Variants in NOTCH2 observed in about 807,000 individuals in gnomAD.
The protein encoded by NOTCH2 is neurogenic locus notch homolog protein 2.
A neutral mutation model predicts 235.8 loss-of-function variants in NOTCH2; 29 were observed. The observed-to-expected ratio is 0.12, with a 90% confidence interval of 0.09 to 0.17. The LOEUF (loss-of-function observed/expected upper bound fraction) is 0.17, where lower values mean the gene tolerates loss of function less well. Among genes scored for constraint, NOTCH2 ranks in the 10% least tolerant of loss-of-function variants. NOTCH2 has a pLI of 1.00. For missense variants in NOTCH2, 2,285 were observed against 3,150.2 expected, an observed-to-expected ratio of 0.73 and a Z score of 6.57; for synonymous variants, 1,086 against 1,141.5, an observed-to-expected ratio of 0.95 and a Z score of 0.98.
chr1:119,917,277 A>G (rs1557802813), intron 33 of NOTCH2, among the ~76,000 whole-genome samples: 1 of 152,178 alleles, frequency 6.6e-6, no homozygotes, highest in African/African-American at 2.4e-5. Context: ...TCAGATGGAG[A>G]AAAATCAAAC....
Position 119,937,894 on chromosome 1 carries a change from C to A in NOTCH2, c.3300G>T (p.Val1100=). The part of the protein sequence containing the change: ...PSGWAGAYCD[V]PNVSCDIAAS... ...CTGCTATGTCACAAGAGACATTGGG[C>A]ACGTCACAATAGGCACCAGCCCATC... is the stretch of plus-strand genomic sequence containing the variant. The change falls in exon 20 of 34, where the codon GTG becomes GTT. Residue 1100 remains valine, a synonymous_variant. Coordinates refer to ENST00000256646, the MANE Select transcript of NOTCH2 (RefSeq NM_024408.4). 1.2e-6 allele frequency: 2 copies of A among 1,614,222 alleles called. No individual in the cohort carries two copies. Among genetic ancestry groups the A allele is most frequent in the Non-Finnish European group, 1.7e-6 (2 of 1,180,044 alleles).
rs782440494 is a variant in NOTCH2 at position 119,963,609 on chromosome 1, T to C, written c.1880A>G (p.Asn627Ser). 3 of 1,614,162 alleles carry C rather than the reference T, an allele frequency of 1.9e-6. No individual in the cohort carries two copies. The highest frequency in any genetic ancestry group is 1.7e-5 in the Admixed American group (1 of 60,022). The change falls in exon 11 of 34, where the codon AAT becomes AGT. Residue 627 changes from asparagine (N) to serine (S), a missense_variant. Physicochemically the swap from Asn to Ser is conservative, Grantham distance 46. Coordinates refer to ENST00000256646, the MANE Select transcript of NOTCH2 (RefSeq NM_024408.4). ...LNDGRCIDLV[N>S]GYQCNCQPGT... ...TGGCTGGCAGTTGCACTGGTAGCCATTGACCAGGTCAATGCAGCGACCATC... is the reference window on the plus strand; with the variant it reads ...TGGCTGGCAGTTGCACTGGTAGCCACTGACCAGGTCAATGCAGCGACCATC...
chr1:119,980,285 C>T (rs1456219762), intron 5 of NOTCH2, among the ~76,000 whole-genome samples: 3 of 152,184 alleles, frequency 2.0e-5, no homozygotes, highest in Non-Finnish European at 4.4e-5. Context: ...TCCCAGCAGA[C>T]ATCTTACCTA....
At chr1:119,970,755 T>C (rs1223393743) in intron 5 of NOTCH2, among the ~76,000 whole-genome samples, 1 of 152,188 alleles carries the variant, frequency 6.6e-6, no homozygotes, top group Non-Finnish European at 1.5e-5. Context: ...AAAGTGGTGA[T>C]TGGTTTTGTT....
At chr1:119,968,641 T>C (rs1651243767) in intron 6 of NOTCH2, among the ~76,000 whole-genome samples, 1 of 152,246 alleles carries the variant, frequency 6.6e-6, no homozygotes. Context: ...TCCTATATTT[T>C]ATCCGGAATC....
Position 119,963,623 on chromosome 1 carries a change from G to A in NOTCH2, c.1866C>T (p.Cys622=), listed in dbSNP as rs2101136684. Residue 622 remains cysteine, a synonymous_variant, in exon 11 of 34, where the codon TGC becomes TGT. Coordinates refer to ENST00000256646, the MANE Select transcript of NOTCH2 (RefSeq NM_024408.4). ...YSSPCLNDGR[C]IDLVNGYQCN... ...ACTGGTAGCCATTGACCAGGTCAAT[G>A]CAGCGACCATCGTTCAGGCAAGGGC... The A allele has an allele frequency of 6.2e-7, 1 of 1,614,154 alleles. No individual in the cohort carries two copies. The highest frequency in any genetic ancestry group is 8.5e-7 in the Non-Finnish European group (1 of 1,179,986).
chr1:119,963,933 G>C (rs1199285996), intron 10 of NOTCH2, 126 bp from the exon 11 acceptor site: 1 of 841,102 alleles, frequency 1.2e-6, no homozygotes, highest in East Asian at 2.6e-5. Flanking sequence ...TGCAGGTCTT[G>C]AGCAGTAGAA....
At chr1:119,984,424 ACT>A (rs1206223604) in intron 5 of NOTCH2, among the ~76,000 whole-genome samples, 11 of 152,160 alleles carry the variant, frequency 7.2e-5, no homozygotes, top group African/African-American at 2.7e-4. Context: ...GGATATTTAA[ACT>A]CTATCTCTAA....
chr1:119,944,978 C>T (rs1448575116), intron 17 of NOTCH2, among the ~76,000 whole-genome samples: 2 of 151,880 alleles, frequency 1.3e-5, no homozygotes, highest in African/African-American at 2.4e-5. Flanking sequence ...AACTTAAAGA[C>T]TTTTAAATTA....
At chr1:120,012,674 T>C (rs2725932) in intron 2 of NOTCH2, among the ~76,000 whole-genome samples, 6 of 152,226 alleles carry the variant, frequency 3.9e-5, no homozygotes, top group East Asian at 1.9e-4. Flanking sequence ...GCTAACTGAT[T>C]TGCCCAAAGT....
At chr1:119,985,450 G>C (rs1306910611) in intron 5 of NOTCH2, among the ~76,000 whole-genome samples, 2 of 152,082 alleles carry the variant, frequency 1.3e-5, no homozygotes, top group African/African-American at 2.4e-5. Context: ...CATTTCACTG[G>C]GGAAGTTTTC....
At chr1:120,028,754 A>T (rs1425375283) in intron 2 of NOTCH2, among the ~76,000 whole-genome samples, 1 of 135,330 alleles carries the variant, frequency 7.4e-6, no homozygotes, top group Non-Finnish European at 1.6e-5. Context: ...CTAAGCAAGT[A>T]CCTCCACCAA....
chr1:119,987,938 A>G (rs782701261), intron 4 of NOTCH2, among the ~76,000 whole-genome samples: 2 of 152,168 alleles, frequency 1.3e-5, no homozygotes, highest in Non-Finnish European at 2.9e-5. Flanking sequence ...TGTAGTTTAT[A>G]TGTTGGGCCT....
chr1:119,922,629 C>T lies in NOTCH2; in HGVS notation c.5002+7G>A, dbSNP rs2101155835. 6.2e-7 allele frequency: 1 copy of T among 1,613,984 alleles called. No homozygotes were observed. The highest frequency in any genetic ancestry group is 2.2e-5 in the East Asian group (1 of 44,878). Reference sequence around the variant, plus strand: ...CCACCTTTCCCCTTTACACCAGTGCCACTCACTGACGACAGACACAAGAGG... The same window carrying T: ...CCACCTTTCCCCTTTACACCAGTGCTACTCACTGACGACAGACACAAGAGG... On this transcript the variant is annotated splice_region_variant and intron_variant, in intron 27 of 33. Coordinates refer to ENST00000256646, the MANE Select transcript of NOTCH2 (RefSeq NM_024408.4).
Position 119,929,118 on chromosome 1 carries a change from A to T in NOTCH2, c.3750T>A (p.Cys1250Ter). ...QCMDRIGGYSCRCLPGFAGER... is the reference protein window; with the variant it reads ...QCMDRIGGYS ...CCCCAGCAAAGCCAGGCAAGCAGCG[A>T]CAACTGTAGCCTCCAATCCTATCCA... Residue 1250 changes from cysteine to a stop codon, truncating the protein, a stop_gained, in exon 23 of 34, where the codon TGT becomes TGA. Coordinates refer to ENST00000256646, the MANE Select transcript of NOTCH2 (RefSeq NM_024408.4). LOFTEE classifies it high-confidence loss of function. The T allele has an allele frequency of 6.2e-7, 1 of 1,614,238 alleles. No individual in the cohort carries two copies. The highest frequency in any genetic ancestry group is 8.5e-7 in the Non-Finnish European group (1 of 1,180,044).
intron 7 of NOTCH2, 124 bp downstream of exon 7, chr1:119,967,953 G>A (rs1651208817): frequency 9.3e-7 from 1 of 1,070,484 alleles, no homozygotes; most frequent in Non-Finnish European, 1.4e-6. Flanking sequence ...CACTGGCCAT[G>A]TAGCAAGAGT....
Position 120,069,357 on chromosome 1 carries a change from A to T in NOTCH2, c.50T>A (p.Leu17Gln). The change falls in exon 1 of 34, where the codon CTG (leucine) becomes CAG (glutamine). Residue 17 changes from leucine (L) to glutamine (Q), a missense_variant. Around this residue, in one of 6 missense-constraint regions of NOTCH2, gnomAD observed 37 missense variants for 31.4 expected, o/e 1.18. Coordinates refer to ENST00000256646, the MANE Select transcript of NOTCH2 (RefSeq NM_024408.4). ...ALLWALLALW[L>Q]CCAAPAHALQ... The stretch of plus-strand genomic sequence containing the variant: ...ACCATGCGCGGGGGCCGCGCAGCAC[A>T]GCCAGAGCGCCAGCAGCGCCCACAG... The T allele has an allele frequency of 1.9e-6, 3 of 1,571,832 alleles. No homozygotes were observed. Among genetic ancestry groups the T allele is most frequent in the Non-Finnish European group, 2.6e-6 (3 of 1,167,508 alleles).
chr1:119,929,034 G>C lies in NOTCH2; in HGVS notation c.3834C>G (p.Ser1278Arg), dbSNP rs782369516. ...CLSNPCSSEGSLDCIQLTNDY... is the reference protein window; with the variant it reads ...CLSNPCSSEGRLDCIQLTNDY... ...CATTGGTGAGCTGTATACAGTCCAGGCTGCCCTCAGAGCTGCAGGGGTTGG... is the reference window on the plus strand; with the variant it reads ...CATTGGTGAGCTGTATACAGTCCAGCCTGCCCTCAGAGCTGCAGGGGTTGG... Residue 1278 changes from serine to arginine, a missense_variant, in exon 23 of 34, where the codon AGC (serine) becomes AGG (arginine). By Grantham distance (110) the Ser-to-Arg change is moderately radical. Transcript: ENST00000256646. 6.2e-7 allele frequency: 1 copy of C among 1,614,112 alleles called. No individual in the cohort carries two copies. Among genetic ancestry groups the C allele is most frequent in the South Asian group, 1.1e-5 (1 of 91,080 alleles).
chr1:119,961,808 G>A (rs1174926968), intron 11 of NOTCH2, among the ~76,000 whole-genome samples: 2 of 152,158 alleles, frequency 1.3e-5, no homozygotes, highest in East Asian at 3.8e-4. Flanking sequence ...AATTTTAGCT[G>A]ACAAACTGTA....
Sources: allele counts gnomAD v4.1 joint callset (sites outside exome capture counted in the v4.1 genomes callset), GRCh38; gene constraint gnomAD v4.1.1; regional missense constraint gnomAD v4.1.1; transcripts MANE v1.5; gene names NCBI Gene and HGNC (gene_info 2026-07-23, HGNC 2026-07-21).